Variants in CD55 observed in about 807,000 individuals in gnomAD.
CD55 encodes the protein CD55 molecule (Cromer blood group), also known as complement decay-accelerating factor.
A neutral mutation model predicts 45.8 loss-of-function variants in CD55; 41 were observed. The observed-to-expected ratio is 0.90, with a 90% confidence interval of 0.70 to 1.16. CD55 has a LOEUF of 1.16. Ranked by LOEUF, CD55 falls within the 50% of genes most tolerant of loss-of-function variation. The pLI, the probability that CD55 is intolerant of heterozygous loss-of-function variation, is 0.00. For synonymous variants in CD55, 181 were observed against 181.1 expected (o/e 1.00, Z 0.01); for missense variants, 416 against 469.8 (o/e 0.89, Z 1.06).
chr1:207,351,309 G>A (rs1655858253), intron 9 of CD55, among the ~76,000 whole-genome samples: 1 of 152,186 alleles, frequency 6.6e-6, no homozygotes, highest in Non-Finnish European at 1.5e-5. Context: ...TGAGAAGAAT[G>A]TATATCCTGT....
intron 4 of CD55, 26 bp from the exon 5 acceptor site, chr1:207,326,724 ACT>A (rs1331644563): frequency 1.3e-6 from 2 of 1,551,510 alleles, no homozygotes; most frequent in African/African-American, 1.4e-5. Flanking sequence ...AATGTAACAA[ACT>A]CTTTTTTCTT....
chr1:207,337,586 TA>T, intron 8 of CD55, 177 bp downstream of exon 8: 1 of 417,666 alleles, frequency 2.4e-6, no homozygotes, highest in Non-Finnish European at 4.3e-6. Context: ...GGCAAATCTT[TA>T]AAAAAAGAAA....
chr1:207,350,149 T>G (rs12145542), intron 9 of CD55: 7,387 of 453,972 alleles, frequency 0.016, 82 homozygotes, highest in South Asian at 0.021. Context: ...TCTGTTTATG[T>G]GATGAATCAC....
Position 207,324,738 on chromosome 1 carries a change from G to T in CD55, c.466G>T (p.Glu156Ter). 6.3e-7 allele frequency: 1 copy of T among 1,598,430 alleles called. No homozygotes were observed. Among genetic ancestry groups the T allele is most frequent in the Non-Finnish European group, 8.5e-7 (1 of 1,174,546 alleles). ...GAATTTAAAATGGTCCACAGCAGTC[G>T]AATTTTGTAAAAGTGAGTAAAATTT... The part of the protein sequence containing the change: ...LQNLKWSTAV[E>*]FCKKKSCPNP... The change falls in exon 3 of 10, where the codon GAA (glutamate) becomes TAA (stop). Residue 156 changes from glutamate to a stop codon, truncating the protein, a stop_gained. Coordinates refer to ENST00000367064, the MANE Select transcript of CD55 (RefSeq NM_000574.5). LOFTEE classifies it high-confidence loss of function.
intron 2 of CD55, among the ~76,000 whole-genome samples, chr1:207,323,858 T>C (rs1654545669): frequency 6.6e-6 from 1 of 152,206 alleles, no homozygotes; most frequent in Non-Finnish European, 1.5e-5. Flanking sequence ...ACACTCTTTT[T>C]ATGGCGGAGG....
chr1:207,353,842 C>T (rs1018058971), intron 9 of CD55, among the ~76,000 whole-genome samples: 3 of 152,188 alleles, frequency 2.0e-5, no homozygotes, highest in African/African-American at 7.2e-5. Context: ...AAGGGTTACT[C>T]AAGCATACTG....
chr1:207,348,490 T>C (rs1655737352), intron 9 of CD55, among the ~76,000 whole-genome samples: 2 of 152,248 alleles, frequency 1.3e-5, no homozygotes, highest in South Asian at 4.1e-4. Flanking sequence ...ATGCATAGTT[T>C]GCAAATATTT....
At chr1:207,347,498 G>A (rs941456726) in intron 9 of CD55, 33 of 278,724 alleles carry the variant, frequency 1.2e-4, no homozygotes, top group African/African-American at 7.2e-4. Context: ...CTGGCCTCGA[G>A]ATCTGCCTGC....
chr1:207,350,763 T>C (rs1655837755), intron 9 of CD55, among the ~76,000 whole-genome samples: 1 of 152,106 alleles, frequency 6.6e-6, no homozygotes, highest in South Asian at 2.1e-4. Flanking sequence ...ATCTAGCTAG[T>C]TGTCTATCAA....
chr1:207,353,123 G>A (rs778702216), intron 9 of CD55, among the ~76,000 whole-genome samples: 52 of 133,214 alleles, frequency 3.9e-4, no homozygotes, highest in Non-Finnish European at 7.2e-4. Context: ...GTGCAATCTC[G>A]GCTCACGGCA....
In CD55 at chr1:207,345,731, A is replaced by G. The variant is rs986660229; in HGVS notation, c.1081+6314A>G. Among the ~76,000 whole-genome samples, 10 of 152,232 alleles carry G rather than the reference A, an allele frequency of 6.6e-5. No individual in the cohort carries two copies. The South Asian group carries it at 1.9e-3, about 28-fold the overall frequency. On this transcript the variant is annotated intron_variant, in intron 9 of 9. Transcript: ENST00000367064. ...TCTAATTTTTCAAATTTGCTTTTGT[A>G]GGGGAGGACTTTTCCTGAAGATGTA...
intron 9 of CD55, among the ~76,000 whole-genome samples, chr1:207,351,315 C>T (rs970946683): frequency 1.3e-5 from 2 of 152,000 alleles, no homozygotes; most frequent in African/African-American, 4.8e-5. Context: ...GAATGTATAT[C>T]CTGTTGTTCT....
At chr1:207,340,805 T>C in intron 9 of CD55, 1 of 437,840 alleles carries the variant, frequency 2.3e-6, no homozygotes, top group Non-Finnish European at 4.0e-6. Context: ...TTTGGATAAA[T>C]ACCCAGTAGT....
chr1:207,341,805 G>C (rs892741009), intron 9 of CD55, among the ~76,000 whole-genome samples: 2 of 151,768 alleles, frequency 1.3e-5, no homozygotes, highest in Non-Finnish European at 2.9e-5. Context: ...ATCTTGATAG[G>C]GGTTGTACTG....
chr1:207,325,045 A>C (rs573487659), intron 3 of CD55, among the ~76,000 whole-genome samples: 39 of 152,256 alleles, frequency 2.6e-4, no homozygotes, highest in Middle Eastern at 6.8e-3. Context: ...GAATTAAAGA[A>C]GTCTAAGGGT....
chr1:207,341,036 A>G (rs1447414532), intron 9 of CD55, among the ~76,000 whole-genome samples: 5 of 152,266 alleles, frequency 3.3e-5, no homozygotes, highest in African/African-American at 1.2e-4. Context: ...TTGCATTTCC[A>G]TGATGATTAG....
intron 5 of CD55, among the ~76,000 whole-genome samples, chr1:207,328,842 C>G (rs372326207): frequency 3.3e-5 from 5 of 152,172 alleles, no homozygotes; most frequent in Admixed American, 6.5e-5. Flanking sequence ...TGGACTATTG[C>G]AATTAGGGCC....
Position 207,360,761 on chromosome 1 carries a change from C to G in CD55, c.*1151C>G. 6.6e-6 allele frequency: 1 copy of G among 152,158 alleles called. No individual in the cohort carries two copies. The highest frequency in any genetic ancestry group is 1.9e-4 in the East Asian group (1 of 5,206). The allele number at this position is 152,158 out of a possible 1,614,324, so 9.4% of individuals were successfully genotyped here. On this transcript the variant is annotated 3_prime_UTR_variant, in exon 10 of 10. Coordinates refer to ENST00000367064, the MANE Select transcript of CD55 (RefSeq NM_000574.5). ...TAGGTTTTTACCATATTCTTGTCAT[C>G]TTGCCAATTACATTTTAAGTGTTAG...
intron 4 of CD55, among the ~76,000 whole-genome samples, chr1:207,326,458 A>G (rs1654685509): frequency 6.6e-6 from 1 of 152,212 alleles, no homozygotes; most frequent in African/African-American, 2.4e-5. Flanking sequence ...CAGAGGTATA[A>G]AATGTTCAAT....
Sources: allele counts gnomAD v4.1 joint callset (sites outside exome capture counted in the v4.1 genomes callset), GRCh38; gene constraint gnomAD v4.1.1; transcripts MANE v1.5; gene names NCBI Gene and HGNC (gene_info 2026-07-23, HGNC 2026-07-21).